Variants in SNTB2 observed in about 807,000 individuals in gnomAD.
SNTB2 encodes the protein syntrophin beta 2, also known as beta-2-syntrophin.
Under a neutral mutation model 46.2 loss-of-function variants are expected in SNTB2, and 34 were observed. The ratio of observed to expected loss-of-function variants is 0.74; its 90% confidence interval spans 0.56 to 0.98. The LOEUF (loss-of-function observed/expected upper bound fraction) is 0.98, where lower values mean the gene tolerates loss of function less well. SNTB2 is among the 50% of genes least tolerant of loss of function. The probability of loss-of-function intolerance (pLI) is 0.00; values close to 1 mark genes in which losing one functional copy is unlikely to be tolerated. For missense variants in SNTB2, 603 were observed against 731.4 expected (o/e 0.82, Z 2.02); for synonymous variants, 290 against 312.6 (o/e 0.93, Z 0.76).
At chr16:69,230,397 T>C (rs1240916625) in intron 1 of SNTB2, 1 of 151,990 alleles carries the variant, frequency 6.6e-6, no homozygotes, top group Non-Finnish European at 1.5e-5. Flanking sequence ...AGTTTCGCTG[T>C]GTCTCCCAGG....
intron 3 of SNTB2, among the ~76,000 whole-genome samples, chr16:69,268,386 C>T (rs929163658): frequency 2.6e-5 from 4 of 151,780 alleles, no homozygotes; most frequent in African/African-American, 9.7e-5. Flanking sequence ...ATTGCTTGAA[C>T]CTGGGAGGTG....
intron 1 of SNTB2, among the ~76,000 whole-genome samples, chr16:69,233,902 A>G (rs1964531852): frequency 2.6e-5 from 4 of 152,098 alleles, no homozygotes; most frequent in Admixed American, 2.6e-4. Context: ...CCTTGAGCCT[A>G]GGAGTTTGAG....
intron 4 of SNTB2, 129 bp downstream of exon 4, chr16:69,270,414 A>G: frequency 8.6e-7 from 1 of 1,167,076 alleles, no homozygotes; most frequent in Non-Finnish European, 1.2e-6. Context: ...GTTGATGCAG[A>G]CAAAAATTTT....
At chr16:69,191,904 G>A (rs1964058692) in intron 1 of SNTB2, among the ~76,000 whole-genome samples, 1 of 152,170 alleles carries the variant, frequency 6.6e-6, no homozygotes, top group Non-Finnish European at 1.5e-5. Flanking sequence ...GCCTCCCAAA[G>A]TGCTGGGATT....
intron 1 of SNTB2, among the ~76,000 whole-genome samples, chr16:69,224,801 T>C (rs1331271156): frequency 6.6e-6 from 1 of 152,240 alleles, no homozygotes; most frequent in South Asian, 2.1e-4. Context: ...AATCCTGTAT[T>C]ACTGTTACTT....
chr16:69,282,890 C>G (rs997943513), intron 4 of SNTB2, among the ~76,000 whole-genome samples: 1 of 152,124 alleles, frequency 6.6e-6, no homozygotes, highest in Non-Finnish European at 1.5e-5. Context: ...TTCAATTGTT[C>G]AAAGCAACTG....
intron 4 of SNTB2, among the ~76,000 whole-genome samples, chr16:69,277,752 C>G (rs1040003382): frequency 6.6e-6 from 1 of 152,178 alleles, no homozygotes; most frequent in Non-Finnish European, 1.5e-5. Flanking sequence ...ATTTATTTCT[C>G]TTTGATGTAC....
chr16:69,210,269 G>A lies in SNTB2; in HGVS notation c.580+22523G>A, dbSNP rs569757885. ...GTTTGGTTTTTTGAGATGGAATATC[G>A]TTCTGTTGCCCAGGCTGGAGTGCAG... On this transcript the variant is annotated intron_variant, in intron 1 of 6. Transcript: ENST00000336278. Among the ~76,000 whole-genome samples, 77 of 146,162 alleles carry A rather than the reference G, an allele frequency of 5.3e-4. 2 individuals are homozygous for A. The South Asian group carries it at 0.016, about 30-fold the overall frequency.
intron 2 of SNTB2, among the ~76,000 whole-genome samples, chr16:69,252,653 C>G (rs997600744): frequency 1.3e-5 from 2 of 152,128 alleles, no homozygotes; most frequent in African/African-American, 4.8e-5. Context: ...GTAAAGTAAG[C>G]TAGACTTACA....
At chr16:69,204,074 G>A (rs1313772031) in intron 1 of SNTB2, among the ~76,000 whole-genome samples, 1 of 152,146 alleles carries the variant, frequency 6.6e-6, no homozygotes, top group Non-Finnish European at 1.5e-5. Context: ...TGTATTTTTA[G>A]TGGAGCCGGA....
intron 1 of SNTB2, among the ~76,000 whole-genome samples, chr16:69,189,449 GA>G (rs958225728): frequency 1.3e-4 from 20 of 151,778 alleles, no homozygotes; most frequent in Admixed American, 1.2e-3. Context: ...ACCATATTTA[GA>G]AAAAAAACAC....
intron 2 of SNTB2, among the ~76,000 whole-genome samples, chr16:69,250,710 C>G (rs898159655): frequency 5.3e-5 from 8 of 151,724 alleles, no homozygotes; most frequent in African/African-American, 1.2e-4. Context: ...CCTGTCTGTA[C>G]TAAAAATAAC....
chr16:69,238,916 A>G (rs778307582), intron 1 of SNTB2, among the ~76,000 whole-genome samples: 1 of 152,116 alleles, frequency 6.6e-6, no homozygotes, highest in Non-Finnish European at 1.5e-5. Flanking sequence ...AAATCTCCCA[A>G]TAGCTTCCTG....
intron 1 of SNTB2, among the ~76,000 whole-genome samples, chr16:69,189,069 A>C (rs1964024082): frequency 6.6e-6 from 1 of 152,190 alleles, no homozygotes; most frequent in South Asian, 2.1e-4. Context: ...CCAACTTGGC[A>C]CAATGGATTT....
chr16:69,239,535 T>A (rs1964590015), intron 1 of SNTB2, among the ~76,000 whole-genome samples: 1 of 151,726 alleles, frequency 6.6e-6, no homozygotes, highest in South Asian at 2.1e-4. Flanking sequence ...CTGAATTTAT[T>A]TTTATTTATT....
intron 1 of SNTB2, among the ~76,000 whole-genome samples, chr16:69,192,533 T>C (rs969450203): frequency 1.3e-5 from 2 of 152,244 alleles, no homozygotes; most frequent in Non-Finnish European, 2.9e-5. Context: ...ATAAACAGTA[T>C]ACTGTATCTG....
chr16:69,192,515 T>G (rs570768080), intron 1 of SNTB2, among the ~76,000 whole-genome samples: 1 of 152,256 alleles, frequency 6.6e-6, no homozygotes, highest in East Asian at 1.9e-4. Context: ...GAAGAAAAAT[T>G]TTAGTTTATA....
intron 1 of SNTB2, among the ~76,000 whole-genome samples, chr16:69,225,392 A>C: frequency 6.6e-6 from 1 of 152,278 alleles, no homozygotes; most frequent in Non-Finnish European, 1.5e-5. Flanking sequence ...AGCAACAAAA[A>C]TACGGATAAC....
rs545410999 is a variant in SNTB2, at chr16:69,305,645, G to C, written c.*4721G>C. The C allele has an allele frequency of 8.2e-4, 125 of 152,170 alleles. No homozygotes were observed. The highest frequency in any genetic ancestry group is 2.9e-3 in the African/African-American group (120 of 41,516). The allele number at this position is 152,170 out of a possible 1,614,324, so 9.4% of individuals were successfully genotyped here. A position where few individuals can be genotyped will look rare whatever the true frequency, so the allele number is the denominator to read the frequency against. On this transcript the variant is annotated 3_prime_UTR_variant, in exon 7 of 7. Coordinates refer to ENST00000336278, the MANE Select transcript of SNTB2 (RefSeq NM_006750.4). ...AAACTTTAAGTTGAATTTGACTGTA[G>C]TCATTCATTCTTTTTATATATCTCT...
Sources: allele counts gnomAD v4.1 joint callset (sites outside exome capture counted in the v4.1 genomes callset), GRCh38; gene constraint gnomAD v4.1.1; transcripts MANE v1.5; gene names NCBI Gene and HGNC (gene_info 2026-07-23, HGNC 2026-07-21).